Variants in ESYT2 observed in about 807,000 individuals in gnomAD.
ESYT2 encodes extended synaptotagmin-2.
A neutral mutation model predicts 107.2 loss-of-function variants in ESYT2; 54 were observed. That is an observed-to-expected ratio of 0.50 (90% CI 0.40 to 0.63). The LOEUF (loss-of-function observed/expected upper bound fraction) is 0.63. Among genes scored for constraint, ESYT2 ranks in the 30% least tolerant of loss-of-function variants. ESYT2 has a pLI of 0.00. For missense variants in ESYT2, 1,020 were observed against 1,094.5 expected (o/e 0.93, Z 0.96); for synonymous variants, 491 against 434.1 (o/e 1.13, Z -1.63).
intron 1 of ESYT2, among the ~76,000 whole-genome samples, chr7:158,811,575 G>C (rs547335923): frequency 1.2e-4 from 18 of 152,184 alleles, no homozygotes; most frequent in Admixed American, 5.2e-4. Flanking sequence ...ACAAGCTCCC[G>C]CACATGTGCA....
At chr7:158,782,287 AT>A (rs1563650478) in intron 6 of ESYT2, among the ~76,000 whole-genome samples, 26 of 53,802 alleles carry the variant, frequency 4.8e-4, no homozygotes, top group African/African-American at 6.2e-4. Context: ...AATGTGAGAA[AT>A]GTGTGAAACA....
At chr7:158,814,147 G>C (rs547800895) in intron 1 of ESYT2, among the ~76,000 whole-genome samples, 1 of 151,536 alleles carries the variant, frequency 6.6e-6, no homozygotes, top group Non-Finnish European at 1.5e-5. Flanking sequence ...GGTGGTGGAC[G>C]CCTGTAGTCC....
intron 6 of ESYT2, among the ~76,000 whole-genome samples, chr7:158,781,168 GGA>G (rs1458914337): frequency 2.6e-5 from 4 of 152,128 alleles, no homozygotes; most frequent in African/African-American, 4.8e-5. Context: ...TGAGGTGTGA[GGA>G]GTGTGAGAGA....
Position 158,763,142 on chromosome 7 carries a change from T to C in ESYT2, c.1125A>G (p.Gly375=). ...CAAAGAGCTCAATCTCTAATTCTTG[T>C]CCAGGATGTTCATACACTAAAGCCT... is the stretch of plus-strand genomic sequence containing the variant. The part of the protein sequence containing the change: ...VYEALVYEHP[G]QELEIELFDE... The change falls in exon 10 of 23, where the codon GGA becomes GGG. Residue 375 remains glycine (G), a synonymous_variant. Coordinates refer to ENST00000275418, the MANE Select transcript of ESYT2 (RefSeq NM_001367773.1). 6.2e-7 allele frequency: 1 copy of C among 1,613,122 alleles called. No individual in the cohort carries two copies. The highest frequency in any genetic ancestry group is 8.5e-7 in the Non-Finnish European group (1 of 1,179,468).
chr7:158,767,638 G>A lies in ESYT2; in HGVS notation c.924+16C>T, dbSNP rs1838208000. 1.2e-6 allele frequency: 2 copies of A among 1,605,454 alleles called. No homozygotes were observed. The highest frequency in any genetic ancestry group is 1.7e-6 in the Non-Finnish European group (2 of 1,175,296). On this transcript the variant is annotated intron_variant, in intron 8 of 22. Transcript: ENST00000275418. Reference sequence around the variant, plus strand: ...AAGATGTTTTTAAATGTGAATGGATGCCGGGACACGCTTACCTTTGGTACA... The same window carrying A: ...AAGATGTTTTTAAATGTGAATGGATACCGGGACACGCTTACCTTTGGTACA...
At chr7:158,734,578 CAA>C in intron 21 of ESYT2, 107 bp from the exon 22 acceptor site, 1 of 1,014,626 alleles carries the variant, frequency 9.9e-7, no homozygotes, top group Non-Finnish European at 1.5e-6. Context: ...CTCTTAAGCC[CAA>C]GAGTTTGAGA....
intron 13 of ESYT2, among the ~76,000 whole-genome samples, chr7:158,757,991 G>A (rs1371101358): frequency 6.6e-6 from 1 of 152,140 alleles, no homozygotes; most frequent in Non-Finnish European, 1.5e-5. Context: ...AAATTCTGTG[G>A]AAAGATTAAA....
Position 158,752,849 on chromosome 7 carries a change from A to G in ESYT2, c.1420-6T>C. The G allele has an allele frequency of 7.7e-7, 1 of 1,302,828 alleles. No homozygotes were observed. Among genetic ancestry groups the G allele is most frequent in the Non-Finnish European group, 1.0e-6 (1 of 987,982 alleles). The allele number at this position is 1,302,828 out of a possible 1,614,324, so 80.7% of individuals were successfully genotyped here. Reference sequence around the variant, plus strand: ...TTAAATTCTAATGGGTTACTCTTTCAAGTCAGAAGAAAACGAATATGCCAA... The same window carrying G: ...TTAAATTCTAATGGGTTACTCTTTCGAGTCAGAAGAAAACGAATATGCCAA... On this transcript the variant is annotated splice_polypyrimidine_tract_variant and splice_region_variant and intron_variant, in intron 13 of 22. Transcript: ENST00000275418.
At chr7:158,802,288 T>C (rs1172206710) in intron 1 of ESYT2, among the ~76,000 whole-genome samples, 1 of 151,170 alleles carries the variant, frequency 6.6e-6, no homozygotes, top group Non-Finnish European at 1.5e-5. Context: ...ATGCACGATA[T>C]AAGCATTTTT....
chr7:158,811,100 C>T (rs143735859), intron 1 of ESYT2, among the ~76,000 whole-genome samples: 356 of 151,860 alleles, frequency 2.3e-3, no homozygotes, highest in African/African-American at 8.3e-3. Flanking sequence ...GTCAAGACTG[C>T]GGTGAGCCAT....
At chr7:158,818,574 G>A (rs1181654954) in intron 1 of ESYT2, among the ~76,000 whole-genome samples, 2 of 152,244 alleles carry the variant, frequency 1.3e-5, no homozygotes, top group Admixed American at 6.5e-5. Context: ...GCCTGCAAGC[G>A]GAGCACTGGT....
chr7:158,781,452 T>C (rs1289368810), intron 6 of ESYT2, among the ~76,000 whole-genome samples: 1 of 147,732 alleles, frequency 6.8e-6, no homozygotes, highest in Non-Finnish European at 1.5e-5. Context: ...GAACAAGTGA[T>C]TGTGAGAACA....
At chr7:158,815,529 G>C (rs1046562115) in intron 1 of ESYT2, among the ~76,000 whole-genome samples, 1 of 152,068 alleles carries the variant, frequency 6.6e-6, no homozygotes, top group Admixed American at 6.6e-5. Flanking sequence ...CCTGCCAAAT[G>C]TATCTTGCTA....
At chr7:158,756,866 G>A (rs975987704) in intron 13 of ESYT2, among the ~76,000 whole-genome samples, 1 of 145,386 alleles carries the variant, frequency 6.9e-6, no homozygotes, top group Non-Finnish European at 1.5e-5. Flanking sequence ...CCGAGACCAT[G>A]CCATTGCACT....
At chr7:158,828,625 C>A (rs527647638) in intron 1 of ESYT2, among the ~76,000 whole-genome samples, 1 of 152,196 alleles carries the variant, frequency 6.6e-6, no homozygotes, top group South Asian at 2.1e-4. Flanking sequence ...CCTGGGCGGG[C>A]GGGGAAGCGG....
chr7:158,759,623 A>G (rs1359698235), intron 12 of ESYT2, 42 bp from the exon 13 acceptor site: 1 of 1,495,284 alleles, frequency 6.7e-7, no homozygotes, highest in East Asian at 2.3e-5. Context: ...ATGTTTCCAC[A>G]GGATTAGATA....
Position 158,738,169 on chromosome 7 carries a change from G to A in ESYT2, c.2267+854C>T, listed in dbSNP as rs1234480497. ...TGTCTACTAAAAATACAAGTTAGTC[G>A]GACGAGGTAGTGCACGCCTGTAATC... On this transcript the variant is annotated intron_variant, in intron 19 of 22. Transcript: ENST00000275418. 4.0e-5 allele frequency among the ~76,000 whole-genome samples: 6 copies of A among 151,852 alleles called. No individual in the cohort carries two copies. The South Asian group carries it at 8.3e-4, about 21-fold the overall frequency.
intron 11 of ESYT2, among the ~76,000 whole-genome samples, chr7:158,760,447 A>G (rs544391154): frequency 3.3e-5 from 5 of 152,196 alleles, no homozygotes; most frequent in Non-Finnish European, 5.9e-5. Context: ...CACTTTACAC[A>G]TAAGAATTCA....
intron 6 of ESYT2, among the ~76,000 whole-genome samples, chr7:158,783,578 G>A (rs1839001712): frequency 6.6e-6 from 1 of 152,238 alleles, no homozygotes; most frequent in African/African-American, 2.4e-5. Context: ...GACATCCTGA[G>A]CCACCAGCCA....
Sources: gnomAD v4.1 joint callset for allele counts (sites outside exome capture counted in the v4.1 genomes callset) on GRCh38, gnomAD v4.1.1 for gene constraint, MANE v1.5 for transcripts, NCBI Gene and HGNC (gene_info 2026-07-23, HGNC 2026-07-21) for gene names.